Variants in DOCK9 observed in about 807,000 individuals in gnomAD.
DOCK9 encodes dedicator of cytokinesis protein 9.
DOCK9 carries 89 observed loss-of-function variants against 263.3 expected under a neutral mutation model. The observed-to-expected ratio is 0.34, with a 90% CI of 0.28 to 0.40. DOCK9 has a LOEUF of 0.40. Ranked by LOEUF, DOCK9 falls within the 10% of genes least tolerant of loss-of-function variation. The pLI, the probability that DOCK9 is intolerant of heterozygous loss-of-function variation, is 1.00. For missense variants in DOCK9, 2,140 were observed against 2,603.4 expected (o/e 0.82, Z 3.87); for synonymous variants, 976 against 973.1 (o/e 1.00, Z -0.06).
chr13:98,964,262 G>C (rs1243264695), intron 1 of DOCK9, among the ~76,000 whole-genome samples: 1 of 152,188 alleles, frequency 6.6e-6, no homozygotes, highest in Non-Finnish European at 1.5e-5. Context: ...AGCTCCATGA[G>C]GGCAAGACAG....
chr13:98,817,577 GCCA>G (rs1207342949), intron 45 of DOCK9, among the ~76,000 whole-genome samples: 3 of 150,000 alleles, frequency 2.0e-5, no homozygotes, highest in Admixed American at 1.3e-4. Context: ...ACAGGTGTGA[GCCA>G]CCACATCTAG....
At chr13:98,956,564 C>T (rs2058082942) in intron 1 of DOCK9, among the ~76,000 whole-genome samples, 2 of 151,766 alleles carry the variant, frequency 1.3e-5, no homozygotes, top group South Asian at 2.1e-4. Flanking sequence ...CTGGCCAACA[C>T]GATGAAACCC....
intron 20 of DOCK9, 47 bp from the exon 21 acceptor site, chr13:98,885,139 A>T (rs760510088): frequency 3.8e-6 from 6 of 1,594,140 alleles, no homozygotes; most frequent in Middle Eastern, 1.7e-4. Context: ...CTGTGAGTGT[A>T]TGAAAACTTA....
intron 2 of DOCK9, among the ~76,000 whole-genome samples, chr13:98,931,831 C>G (rs1164093871): frequency 1.3e-5 from 2 of 151,108 alleles, no homozygotes; most frequent in East Asian, 3.9e-4. Context: ...CTCCTGAACT[C>G]AAGCAATCCA....
chr13:98,995,485 C>CTTTTT (rs140398881), intron 1 of DOCK9, among the ~76,000 whole-genome samples: 4 of 121,468 alleles, frequency 3.3e-5, no homozygotes, highest in Admixed American at 9.0e-5. Flanking sequence ...GAGGAAGATA[C>CTTTTT]TTTTTTTTTT....
intron 39 of DOCK9, chr13:98,834,486 C>T (rs1219995708): frequency 6.6e-6 from 1 of 152,228 alleles, no homozygotes; most frequent in Non-Finnish European, 1.5e-5. Flanking sequence ...CCCATGTGCT[C>T]CTCCCTGTCT....
At chr13:98,984,602 A>G (rs781449709) in intron 1 of DOCK9, among the ~76,000 whole-genome samples, 26 of 152,206 alleles carry the variant, frequency 1.7e-4, no homozygotes, top group Non-Finnish European at 3.4e-4. Flanking sequence ...AAAGTCTTCT[A>G]TATTCTGCAA....
chr13:98,864,610 G>C (rs2093966986), intron 30 of DOCK9, among the ~76,000 whole-genome samples: 1 of 152,198 alleles, frequency 6.6e-6, no homozygotes, highest in African/African-American at 2.4e-5. Flanking sequence ...GTCATAGCTT[G>C]AGTTCACATG....
In DOCK9 at chr13:98,881,786, T is replaced by A. The variant is rs2044803657; in HGVS notation, c.2675+106A>T. On this transcript the variant is annotated intron_variant, in intron 24 of 52. Transcript: ENST00000682017. ...CCTTACACATGGGATCAAAGACATT[T>A]CTTAAATGTAATGTTCAGCACACAG... 3.1e-6 allele frequency: 4 copies of A among 1,280,616 alleles called. No individual in the cohort carries two copies. In the Admixed American group the frequency reaches 6.1e-5, roughly 19 times the overall value. 79.3% of individuals were successfully genotyped at this position (1,280,616 alleles called of 1,614,324 possible).
Position 98,915,649 on chromosome 13 carries a change from C to G in DOCK9, c.718-146G>C. On this transcript the variant is annotated intron_variant, in intron 7 of 52. Transcript: ENST00000682017. ...AGCTTGCCCCCTCCTCATGAAAGCCCCCCCCCATGAAATCCCATTACCGTC... is the reference window on the plus strand; with the variant it reads ...AGCTTGCCCCCTCCTCATGAAAGCCGCCCCCCATGAAATCCCATTACCGTC... 4.5e-6 allele frequency: 3 copies of G among 671,536 alleles called. No individual in the cohort carries two copies. The South Asian group carries it at 6.9e-5, about 15-fold the overall frequency. 41.6% of individuals were successfully genotyped at this position (671,536 alleles called of 1,614,324 possible).
At chr13:98,836,743 TC>T (rs2093014567) in intron 39 of DOCK9, among the ~76,000 whole-genome samples, 2 of 142,048 alleles carry the variant, frequency 1.4e-5, no homozygotes, top group African/African-American at 4.9e-5. Flanking sequence ...CTCTCATTAT[TC>T]TTCCTAATAA....
At chr13:99,058,274 C>T (rs1448618701) in intron 1 of DOCK9, among the ~76,000 whole-genome samples, 1 of 151,896 alleles carries the variant, frequency 6.6e-6, no homozygotes, top group Non-Finnish European at 1.5e-5. Flanking sequence ...AAGTGATTCT[C>T]CTGCCTCGGC....
intron 2 of DOCK9, among the ~76,000 whole-genome samples, chr13:98,940,255 C>T (rs1248173678): frequency 1.3e-5 from 2 of 152,082 alleles, no homozygotes; most frequent in East Asian, 1.9e-4. Flanking sequence ...TAAAGAGCCT[C>T]GATGTTTAAT....
intron 1 of DOCK9, among the ~76,000 whole-genome samples, chr13:98,959,012 G>A (rs542077658): frequency 6.6e-6 from 1 of 152,268 alleles, no homozygotes; most frequent in South Asian, 2.1e-4. Context: ...TTCCTTTTGT[G>A]TGACAAAGTG....
At chr13:98,962,151 T>C (rs2058705725) in intron 1 of DOCK9, among the ~76,000 whole-genome samples, 1 of 152,116 alleles carries the variant, frequency 6.6e-6, no homozygotes, top group Non-Finnish European at 1.5e-5. Flanking sequence ...AGAATGATAA[T>C]ACAAAATCAT....
At chr13:98,807,150 G>C (rs2090821439) in intron 48 of DOCK9, among the ~76,000 whole-genome samples, 1 of 152,148 alleles carries the variant, frequency 6.6e-6, no homozygotes, top group Non-Finnish European at 1.5e-5. Context: ...GGTTCCAAAA[G>C]GGTCTTCATG....
chr13:98,948,581 T>C (rs190252481), intron 2 of DOCK9, among the ~76,000 whole-genome samples: 1 of 152,342 alleles, frequency 6.6e-6, no homozygotes, highest in East Asian at 1.9e-4. Context: ...ATCTTAACCA[T>C]TTTTAAGTGT....
intron 38 of DOCK9, among the ~76,000 whole-genome samples, chr13:98,840,317 T>C (rs2141202764): frequency 6.6e-6 from 1 of 152,322 alleles, no homozygotes; most frequent in East Asian, 1.9e-4. Context: ...GGGGCCGTGG[T>C]GCCTGGGGCC....
rs1454298636 is a variant in DOCK9, at chr13:98,925,937, T to C, written c.334-18A>G. 2 of 1,526,246 alleles carry C rather than the reference T, an allele frequency of 1.3e-6. No homozygotes were observed. The allele number at this position is 1,526,246 out of a possible 1,614,324, so 94.5% of individuals were successfully genotyped here. A position where few individuals can be genotyped will look rare whatever the true frequency, so the allele number is the denominator to read the frequency against. On this transcript the variant is annotated intron_variant, in intron 3 of 52. Transcript: ENST00000682017. Reference sequence around the variant, plus strand: ...TTGATGCACTATTGAAGGGGGATTTTAAAAATAGAAAATAAAAAACAGAAA... The same window carrying C: ...TTGATGCACTATTGAAGGGGGATTTCAAAAATAGAAAATAAAAAACAGAAA...
Sources: allele counts gnomAD v4.1 joint callset (sites outside exome capture counted in the v4.1 genomes callset), GRCh38; gene constraint gnomAD v4.1.1; transcripts MANE v1.5; gene names NCBI Gene and HGNC (gene_info 2026-07-23, HGNC 2026-07-21).